GRAP2: variants seen among roughly 807,000 people sequenced by gnomAD.
GRAP2 encodes GRB2 related adaptor protein 2.
Under a neutral mutation model 43.5 loss-of-function variants are expected in GRAP2, and 31 were observed. The observed-to-expected ratio is 0.71, with a 90% CI of 0.54 to 0.96. GRAP2 has a LOEUF of 0.96. Among genes scored for constraint, GRAP2 ranks in the 40% least tolerant of loss-of-function variants. The pLI, the probability that GRAP2 is intolerant of heterozygous loss-of-function variation, is 0.00. For synonymous variants in GRAP2, 156 were observed against 164.8 expected (o/e 0.95, Z 0.41); for missense variants, 371 against 424.4 (o/e 0.87, Z 1.11).
chr22:39,966,163 G>A lies in GRAP2; in HGVS notation c.459+5G>A. On this transcript the variant is annotated splice_donor_5th_base_variant and intron_variant, in intron 5 of 7. Coordinates refer to ENST00000344138, the MANE Select transcript of GRAP2 (RefSeq NM_004810.4). ...GACAGAACCCGAGAAGACCAGGTAT[G>A]CTCCAGATCCAGTCGACCCCAATCT... The A allele has an allele frequency of 6.2e-7, 1 of 1,612,070 alleles. No homozygotes were observed. The highest frequency in any genetic ancestry group is 1.1e-5 in the South Asian group (1 of 91,054).
upstream of GRAP2, among the ~76,000 whole-genome samples, chr22:39,899,197 T>C (rs2066477266): frequency 6.6e-6 from 1 of 152,188 alleles, no homozygotes; most frequent in Non-Finnish European, 1.5e-5. Context: ...GCCTTTGAGA[T>C]TTTTCTGTTC....
At chr22:39,913,699 A>G (rs957698352) in intron 1 of GRAP2, among the ~76,000 whole-genome samples, 7 of 152,220 alleles carry the variant, frequency 4.6e-5, no homozygotes, top group African/African-American at 1.7e-4. Flanking sequence ...GGGATAAGAA[A>G]TGGAACAGAA....
At chr22:39,965,900 A>G in intron 4 of GRAP2, 90 bp from the exon 5 acceptor site, 1 of 1,082,406 alleles carries the variant, frequency 9.2e-7, no homozygotes. Flanking sequence ...TCCTGCTCAA[A>G]GAGAACTCCA....
chr22:39,912,783 T>A (rs1601690726), intron 1 of GRAP2, among the ~76,000 whole-genome samples: 1 of 150,872 alleles, frequency 6.6e-6, no homozygotes, highest in South Asian at 2.1e-4. Context: ...GTGGCCGGAG[T>A]GATGGTGGTG....
chr22:39,945,139 C>T (rs966281234), intron 1 of GRAP2, among the ~76,000 whole-genome samples: 5 of 152,184 alleles, frequency 3.3e-5, no homozygotes, highest in African/African-American at 1.2e-4. Context: ...AGTGGGTCGT[C>T]CTAGGTCACA....
Position 39,960,112 on chromosome 22 carries a change from G to A in GRAP2, c.228G>A (p.Glu76=), listed in dbSNP as rs1385236949. 6.2e-7 allele frequency: 1 copy of A among 1,612,764 alleles called. No individual in the cohort carries two copies. Among genetic ancestry groups the A allele is most frequent in the South Asian group, 1.1e-5 (1 of 91,054 alleles). Reference sequence around the variant, plus strand: ...CAGAGAACTTACTCATGGGCAAGGAGGTTGGCTTCTTCATCATCCGGGCCA... The same window carrying A: ...CAGAGAACTTACTCATGGGCAAGGAAGTTGGCTTCTTCATCATCCGGGCCA... ...HQAENLLMGK[E]VGFFIIRASQ... The change falls in exon 4 of 8, where the codon GAG becomes GAA. Residue 76 remains glutamate, a synonymous_variant. Coordinates refer to ENST00000344138, the MANE Select transcript of GRAP2 (RefSeq NM_004810.4).
intron 2 of GRAP2, among the ~76,000 whole-genome samples, chr22:39,951,623 T>G (rs1455296193): frequency 6.6e-6 from 1 of 151,714 alleles, no homozygotes; most frequent in Non-Finnish European, 1.5e-5. Flanking sequence ...CAGTCAAGAG[T>G]AAAACTTCAA....
At chr22:39,968,451 C>A in intron 6 of GRAP2, 179 bp downstream of exon 6, 1 of 581,744 alleles carries the variant, frequency 1.7e-6, no homozygotes, top group Non-Finnish European at 3.0e-6. Flanking sequence ...TAAATGGCTC[C>A]CACCTGAACA....
At chr22:39,967,194 A>G (rs774563984) in intron 5 of GRAP2, among the ~76,000 whole-genome samples, 1 of 152,180 alleles carries the variant, frequency 6.6e-6, no homozygotes, top group Non-Finnish European at 1.5e-5. Context: ...TCGAGTCCCT[A>G]GTTGCTTTTA....
At chr22:39,966,272 A>G in intron 5 of GRAP2, 114 bp downstream of exon 5, 1 of 793,556 alleles carries the variant, frequency 1.3e-6, no homozygotes, top group East Asian at 2.5e-5. Context: ...ATACTGAAAG[A>G]CAGAGCTCAG....
At chr22:39,970,146 C>T (rs2067222633) in intron 7 of GRAP2, among the ~76,000 whole-genome samples, 1 of 152,120 alleles carries the variant, frequency 6.6e-6, no homozygotes. Context: ...GACAGGGTCT[C>T]ACTCTGTCTC....
upstream of GRAP2, among the ~76,000 whole-genome samples, chr22:39,900,787 C>T (rs750902892): frequency 2.0e-5 from 3 of 151,970 alleles, no homozygotes. Flanking sequence ...AATAAGTTCC[C>T]CCAAGAAGCC....
intron 3 of GRAP2, among the ~76,000 whole-genome samples, chr22:39,956,349 G>A (rs1255323156): frequency 2.6e-5 from 4 of 151,750 alleles, no homozygotes; most frequent in Non-Finnish European, 5.9e-5. Flanking sequence ...GTAGAGACAG[G>A]GTTTTACCAT....
chr22:39,895,325 T>C, the GRAP2 span, among the ~76,000 whole-genome samples: 1 of 152,234 alleles, frequency 6.6e-6, no homozygotes, highest in Non-Finnish European at 1.5e-5. Context: ...GCCCACATTA[T>C]TGATACTGAC....
chr22:39,961,583 C>T (rs2067120433), intron 4 of GRAP2, among the ~76,000 whole-genome samples: 1 of 152,198 alleles, frequency 6.6e-6, no homozygotes, highest in Admixed American at 6.5e-5. Flanking sequence ...TAGGAAGTGA[C>T]TCAGTCCACG....
In GRAP2 at chr22:39,926,964, G is replaced by T. The variant is rs114048369; in HGVS notation, c.-14-20129G>T. ...CTCCAGCCTGGATCCAGCCCAGTTT[G>T]TCACCCTGTGCTCAGCAGAGGCGGT... On this transcript the variant is annotated intron_variant, in intron 1 of 7. Transcript: ENST00000344138. The T allele has an allele frequency of 3.6e-3, 1,600 of 441,422 alleles. 19 individuals are homozygous for T. Among genetic ancestry groups the T allele is most frequent in the African/African-American group, 0.032 (1,514 of 46,876 alleles). 27.3% of individuals were successfully genotyped at this position (441,422 alleles called of 1,614,324 possible).
At chr22:39,912,933 C>G (rs537336088) in intron 1 of GRAP2, among the ~76,000 whole-genome samples, 4 of 152,108 alleles carry the variant, frequency 2.6e-5, no homozygotes, top group Admixed American at 2.6e-4. Flanking sequence ...TGGCTCACAC[C>G]TGTAATCCCA....
At chr22:39,933,747 A>C (rs1047071263) in intron 1 of GRAP2, among the ~76,000 whole-genome samples, 1 of 151,978 alleles carries the variant, frequency 6.6e-6, no homozygotes, top group African/African-American at 2.4e-5. Context: ...AGGCTGAGGC[A>C]GGAGAATCTC....
chr22:39,947,432 G>T, intron 2 of GRAP2: 1 of 487,598 alleles, frequency 2.1e-6, no homozygotes, highest in East Asian at 3.5e-5. Flanking sequence ...CCACCCAAAG[G>T]GCTGTTACAG....
Sources: allele counts gnomAD v4.1 joint callset (sites outside exome capture counted in the v4.1 genomes callset), GRCh38; gene constraint gnomAD v4.1.1; transcripts MANE v1.5; gene names NCBI Gene and HGNC (gene_info 2026-07-23, HGNC 2026-07-21).